Variants in CHAMP1 observed in about 807,000 individuals in gnomAD.
CHAMP1 encodes the protein chromosome alignment maintaining phosphoprotein 1.
CHAMP1 carries 4 observed loss-of-function variants against 54.5 expected under a neutral mutation model. That is an observed-to-expected ratio of 0.07 (90% CI 0.04 to 0.17). CHAMP1 has a LOEUF of 0.17. Ranked by LOEUF, CHAMP1 falls within the 10% of genes least tolerant of loss-of-function variation. The probability of loss-of-function intolerance (pLI) is 1.00; values close to 1 mark genes in which losing one functional copy is unlikely to be tolerated. For synonymous variants in CHAMP1, 368 were observed against 342.2 expected, an observed-to-expected ratio of 1.08 and a Z score of -0.83; for missense variants, 994 against 968.6, an observed-to-expected ratio of 1.03 and a Z score of -0.35.
intron 1 of CHAMP1, among the ~76,000 whole-genome samples, chr13:114,315,922 C>T (rs1017585997): frequency 2.0e-5 from 3 of 151,408 alleles, no homozygotes; most frequent in African/African-American, 2.4e-5. Flanking sequence ...CTGCAACCTC[C>T]GCCCCCTGGG....
rs782651588 is a variant in CHAMP1, at chr13:114,324,738, A to G, written c.896A>G (p.Glu299Gly). The change falls in exon 3 of 3, where the codon GAG (glutamate) becomes GGG (glycine). Residue 299 changes from glutamate (E) to glycine (G), a missense_variant. Glu to Gly is a moderately conservative substitution (Grantham distance 98, BLOSUM62 -2). Coordinates refer to ENST00000361283, the MANE Select transcript of CHAMP1 (RefSeq NM_032436.4). Reference protein sequence around the residue: ...PWKPFPAVSPEPRRPAPAVSP... With the variant: ...PWKPFPAVSPGPRRPAPAVSP... ...AAGCCGTTCCCTGCTGTCTCCCCAG[A>G]GCCTAGGAGACCAGCCCCCGCTGTG... 1.2e-6 allele frequency: 2 copies of G among 1,613,834 alleles called. No homozygotes were observed. Among genetic ancestry groups the G allele is most frequent in the Non-Finnish European group, 1.7e-6 (2 of 1,179,850 alleles).
rs782078527 is a variant in CHAMP1, at chr13:114,325,477, A to G, written c.1635A>G (p.Ala545=). 6.2e-7 allele frequency: 1 copy of G among 1,614,136 alleles called. No individual in the cohort carries two copies. The highest frequency in any genetic ancestry group is 1.7e-5 in the Admixed American group (1 of 60,020). Residue 545 remains alanine (A), a synonymous_variant, in exon 3 of 3, where the codon GCA becomes GCG. Transcript: ENST00000361283. ...AKTAPPASPE[A]RKRALFPEPR... ...CAGCCCCTCCTGCTTCTCCAGAAGCACGCAAACGTGCCCTTTTTCCAGAGC... is the reference window on the plus strand; with the variant it reads ...CAGCCCCTCCTGCTTCTCCAGAAGCGCGCAAACGTGCCCTTTTTCCAGAGC...
intron 1 of CHAMP1, among the ~76,000 whole-genome samples, chr13:114,316,846 C>T (rs547289195): frequency 9.3e-5 from 14 of 150,884 alleles, no homozygotes; most frequent in Middle Eastern, 3.4e-3. Flanking sequence ...TTTTGGCACT[C>T]AAAAAGTTTT....
chr13:114,316,482 G>T (rs112234894), intron 1 of CHAMP1, among the ~76,000 whole-genome samples: 3 of 151,412 alleles, frequency 2.0e-5, no homozygotes, highest in African/African-American at 4.8e-5. Context: ...CCCAGCTACT[G>T]GGGAGGCTGA....
chr13:114,320,760 T>G (rs1348607436), intron 1 of CHAMP1, among the ~76,000 whole-genome samples: 1 of 151,860 alleles, frequency 6.6e-6, no homozygotes, highest in Non-Finnish European at 1.5e-5. Flanking sequence ...ATCGAGACCA[T>G]CCTGGCTAAC....
rs201877258 is a variant in CHAMP1 at position 114,326,241 on chromosome 13, T to C, written c.2399T>C (p.Met800Thr). Reference protein sequence around the residue: ...RHNEEANKKLMEALEPPLEEQ... With the variant: ...RHNEEANKKLTEALEPPLEEQ... ...AATGAAGAGGCAAATAAAAAGCTAA[T>C]GGAAGCTCTTGAACCGCCACTGGAG... The change falls in exon 3 of 3, where the codon ATG becomes ACG. Residue 800 changes from methionine to threonine, a missense_variant. Physicochemically the swap from Met to Thr is moderately conservative, Grantham distance 81 (BLOSUM62 -1). Transcript: ENST00000361283. The C allele has an allele frequency of 6.3e-7, 1 of 1,589,288 alleles. No individual in the cohort carries two copies. The highest frequency in any genetic ancestry group is 2.2e-5 in the East Asian group (1 of 44,604).
intron 1 of CHAMP1, among the ~76,000 whole-genome samples, chr13:114,316,595 AAAAT>A (rs1414543479): frequency 3.3e-5 from 5 of 152,006 alleles, no homozygotes; most frequent in East Asian, 1.9e-4. Flanking sequence ...CTCTCAAAAA[AAAAT>A]AAATAAATAA....
rs1566791539 is a variant in CHAMP1 at position 114,324,699 on chromosome 13, C to T, written c.857C>T (p.Ser286Phe). The T allele has an allele frequency of 9.3e-6, 15 of 1,613,788 alleles. No homozygotes were observed. Among genetic ancestry groups the T allele is most frequent in the African/African-American group, 1.3e-5 (1 of 75,020 alleles). The change falls in exon 3 of 3, where the codon TCT becomes TTT. Residue 286 changes from serine to phenylalanine, a missense_variant. This residue lies in a region of CHAMP1 where 851 missense variants were observed against 701.3 expected (regional missense o/e 1.21). Transcript: ENST00000361283. ...CCAAGGAAGCCATCCCCTTCAGAGT[C>T]TCCTGAACCTTGGAAGCCGTTCCCT... ...PEPRKPSPSE[S>F]PEPWKPFPAV...
Position 114,324,204 on chromosome 13 carries a change from C to T in CHAMP1, c.362C>T (p.Ser121Leu). ...LPEHQKIPCNSAEPKSIPALS... is the reference protein window; with the variant it reads ...LPEHQKIPCNLAEPKSIPALS... ...GAACACCAGAAAATACCCTGCAATT[C>T]AGCAGAACCAAAATCCATACCTGCC... Residue 121 changes from serine (S) to leucine (L), a missense_variant, in exon 3 of 3, where the codon TCA becomes TTA. Physicochemically the swap from Ser to Leu is moderately radical, Grantham distance 145. Coordinates refer to ENST00000361283, the MANE Select transcript of CHAMP1 (RefSeq NM_032436.4). 1 of 1,614,150 alleles carries T rather than the reference C, an allele frequency of 6.2e-7. No homozygotes were observed. The highest frequency in any genetic ancestry group is 8.5e-7 in the Non-Finnish European group (1 of 1,180,028).
intron 2 of CHAMP1, 153 bp from the exon 3 acceptor site, chr13:114,323,635 T>G: frequency 1.7e-6 from 1 of 600,908 alleles, no homozygotes; most frequent in Non-Finnish European, 2.8e-6. Flanking sequence ...GGGACTGTTC[T>G]ATATCTCCTT....
rs1555379634 is a variant in CHAMP1, at chr13:114,324,883, T to A, written c.1041T>A (p.Pro347=). The A allele has an allele frequency of 6.2e-7, 1 of 1,614,092 alleles. No individual in the cohort carries two copies. Among genetic ancestry groups the A allele is most frequent in the Non-Finnish European group, 8.5e-7 (1 of 1,180,008 alleles). Residue 347 remains proline (P), a synonymous_variant, in exon 3 of 3, where the codon CCT becomes CCA. Coordinates refer to ENST00000361283, the MANE Select transcript of CHAMP1 (RefSeq NM_032436.4). ...CTGCTCCATCTGTGTCTCCTGGACCTTGGAAACCAATTCCTTCTGTATCTC... is the reference window on the plus strand; with the variant it reads ...CTGCTCCATCTGTGTCTCCTGGACCATGGAAACCAATTCCTTCTGTATCTC... The part of the protein sequence containing the change: ...AKPAPSVSPG[P]WKPIPSVSPG...
chr13:114,325,098 T>C lies in CHAMP1; in HGVS notation c.1256T>C (p.Leu419Pro). Residue 419 changes from leucine (L) to proline (P), a missense_variant, in exon 3 of 3, where the codon CTT (leucine) becomes CCT (proline). Coordinates refer to ENST00000361283, the MANE Select transcript of CHAMP1 (RefSeq NM_032436.4). ...WKAVPPVSPELRKPGPPLSPE... is the reference protein window; with the variant it reads ...WKAVPPVSPEPRKPGPPLSPE... ...GCAGTTCCCCCAGTGTCTCCAGAGC[T>C]TCGCAAACCCGGCCCACCACTATCC... The C allele has an allele frequency of 6.2e-7, 1 of 1,614,046 alleles. No homozygotes were observed.
At chr13:114,320,872 C>T (rs1173088572) in intron 1 of CHAMP1, among the ~76,000 whole-genome samples, 1 of 151,762 alleles carries the variant, frequency 6.6e-6, no homozygotes, top group Non-Finnish European at 1.5e-5. Flanking sequence ...AGGAGAATGG[C>T]ATGAACCCTG....
intron 1 of CHAMP1, among the ~76,000 whole-genome samples, chr13:114,320,587 G>A (rs868939400): frequency 6.6e-6 from 1 of 152,122 alleles, no homozygotes; most frequent in African/African-American, 2.4e-5. Flanking sequence ...ATTCCATAGT[G>A]GATCATTAAA....
rs1316288698 is a variant in CHAMP1, at chr13:114,325,218, C to T, written c.1376C>T (p.Ser459Phe). The change falls in exon 3 of 3, where the codon TCT becomes TTT. Residue 459 changes from serine to phenylalanine, a missense_variant. Transcript: ENST00000361283. ...WKLSPDQRKT[S>F]PASLDFPESQ... Reference sequence around the variant, plus strand: ...CTTTCTCCTGATCAGCGGAAAACTTCTCCTGCTTCACTTGATTTCCCTGAG... The same window carrying T: ...CTTTCTCCTGATCAGCGGAAAACTTTTCCTGCTTCACTTGATTTCCCTGAG... 1.9e-6 allele frequency: 3 copies of T among 1,614,016 alleles called. No individual in the cohort carries two copies. Among genetic ancestry groups the T allele is most frequent in the Non-Finnish European group, 2.5e-6 (3 of 1,180,000 alleles).
At chr13:114,315,839 T>G (rs1227224871) in intron 1 of CHAMP1, among the ~76,000 whole-genome samples, 18 of 151,520 alleles carry the variant, frequency 1.2e-4, no homozygotes, top group East Asian at 3.9e-4. Flanking sequence ...AGTTTTGTTT[T>G]TTTTTTTTTT....
Position 114,324,528 on chromosome 13 carries a change from A to C in CHAMP1, c.686A>C (p.Lys229Thr), listed in dbSNP as rs2087215277. Residue 229 changes from lysine to threonine, a missense_variant, in exon 3 of 3, where the codon AAG becomes ACG. Lys to Thr is a moderately conservative substitution (Grantham distance 78). This residue lies in a region of CHAMP1 where 851 missense variants were observed against 701.3 expected (regional missense o/e 1.21). Transcript: ENST00000361283. ...KATLSNPKPQ[K>T]QSHFPETLGP... The stretch of plus-strand genomic sequence containing the variant: ...ACTCTTAGTAATCCCAAACCCCAGA[A>C]GCAGTCTCATTTCCCGGAAACATTG... 1.2e-6 allele frequency: 2 copies of C among 1,614,068 alleles called. No individual in the cohort carries two copies. Among genetic ancestry groups the C allele is most frequent in the East Asian group, 2.2e-5 (1 of 44,862 alleles).
rs782202585 is a variant in CHAMP1, at chr13:114,323,802, T to C, written c.-41T>C. On this transcript the variant is annotated 5_prime_UTR_variant, in exon 3 of 3. Coordinates refer to ENST00000361283, the MANE Select transcript of CHAMP1 (RefSeq NM_032436.4). The stretch of plus-strand genomic sequence containing the variant: ...CTTTATTGCAGCAGTATTGAAAGTT[T>C]TTAAAGAATATAACCGTGTGTGTTG... 2.6e-6 allele frequency: 4 copies of C among 1,532,910 alleles called. No homozygotes were observed. In the African/African-American group the frequency reaches 5.6e-5, roughly 21 times the overall value. The allele number at this position is 1,532,910 out of a possible 1,614,324, so 95.0% of individuals were successfully genotyped here.
chr13:114,324,553 G>C lies in CHAMP1; in HGVS notation c.711G>C (p.Leu237Phe). 1 of 1,614,050 alleles carries C rather than the reference G, an allele frequency of 6.2e-7. No individual in the cohort carries two copies. The highest frequency in any genetic ancestry group is 8.5e-7 in the Non-Finnish European group (1 of 1,180,028). The stretch of plus-strand genomic sequence containing the variant: ...AGCAGTCTCATTTCCCGGAAACATT[G>C]GGGCCACCTTCAGCCTCATCTCCAG... The part of the protein sequence containing the change: ...PQKQSHFPET[L>F]GPPSASSPES... The change falls in exon 3 of 3, where the codon TTG (leucine) becomes TTC (phenylalanine). Residue 237 changes from leucine (L) to phenylalanine (F), a missense_variant. Physicochemically the swap from Leu to Phe is conservative, Grantham distance 22. This residue lies in a region of CHAMP1 where 851 missense variants were observed against 701.3 expected (regional missense o/e 1.21). Coordinates refer to ENST00000361283, the MANE Select transcript of CHAMP1 (RefSeq NM_032436.4).
Sources: allele counts gnomAD v4.1 joint callset (sites outside exome capture counted in the v4.1 genomes callset), GRCh38; gene constraint gnomAD v4.1.1; regional missense constraint gnomAD v4.1.1; transcripts MANE v1.5; gene names NCBI Gene and HGNC (gene_info 2026-07-23, HGNC 2026-07-21).